The following TIAM1 variants were observed in gnomAD, a reference collection of about 807,000 sequenced individuals.
TIAM1 encodes TIAM Rac1 associated GEF 1, also known as rho guanine nucleotide exchange factor TIAM1.
TIAM1 carries 65 observed loss-of-function variants against 163.5 expected under a neutral mutation model. The ratio of observed to expected loss-of-function variants is 0.40; its 90% CI spans 0.33 to 0.49. The LOEUF is 0.49. Among genes scored for constraint, TIAM1 ranks in the 20% least tolerant of loss-of-function variants. TIAM1 has a pLI of 0.77. For synonymous variants in TIAM1, 833 were observed against 810.1 expected, an observed-to-expected ratio of 1.03 and a Z score of -0.48; for missense variants, 1,789 against 2,044.7, an observed-to-expected ratio of 0.87 and a Z score of 2.41.
intron 2 of TIAM1, among the ~76,000 whole-genome samples, chr21:31,417,483 A>C (rs2043411724): frequency 6.6e-6 from 1 of 152,192 alleles, no homozygotes; most frequent in Non-Finnish European, 1.5e-5. Flanking sequence ...CCTTATAAAA[A>C]CATCAGATCT....
chr21:31,308,330 G>C (rs1337988259), intron 2 of TIAM1, among the ~76,000 whole-genome samples: 1 of 151,956 alleles, frequency 6.6e-6, no homozygotes, highest in Non-Finnish European at 1.5e-5. Flanking sequence ...TCATTTCCTC[G>C]TTTGTATAAG....
chr21:31,555,644 C>G (rs1465795687), intron 1 of TIAM1, among the ~76,000 whole-genome samples: 11 of 152,148 alleles, frequency 7.2e-5, no homozygotes, highest in Non-Finnish European at 1.6e-4. Context: ...GCCCCCTCTC[C>G]CGGCACAGAT....
intron 2 of TIAM1, among the ~76,000 whole-genome samples, chr21:31,410,718 CAGAG>C (rs1035126952): frequency 1.1e-4 from 16 of 150,998 alleles, no homozygotes; most frequent in African/African-American, 3.2e-4. Context: ...GAGAGAGACA[CAGAG>C]AGAAAGAAAG....
chr21:31,482,132 C>A (rs1423408381), intron 1 of TIAM1, among the ~76,000 whole-genome samples: 1 of 139,938 alleles, frequency 7.1e-6, no homozygotes, highest in African/African-American at 2.8e-5. Flanking sequence ...TATTTATATA[C>A]ATTTTTTTTC....
chr21:31,403,454 T>C (rs894718674), intron 2 of TIAM1, among the ~76,000 whole-genome samples: 3 of 152,148 alleles, frequency 2.0e-5, no homozygotes, highest in Admixed American at 2.0e-4. Context: ...GCCGATGACA[T>C]ACTTTTTTAA....
chr21:31,355,025 T>G (rs2076292195), intron 2 of TIAM1, among the ~76,000 whole-genome samples: 1 of 152,188 alleles, frequency 6.6e-6, no homozygotes, highest in Non-Finnish European at 1.5e-5. Context: ...TTGTTCTTTT[T>G]CTGGCCACAG....
chr21:31,498,360 C>G (rs1448193674), intron 1 of TIAM1, among the ~76,000 whole-genome samples: 1 of 152,206 alleles, frequency 6.6e-6, no homozygotes, highest in Non-Finnish European at 1.5e-5. Flanking sequence ...TAAGAAGGTA[C>G]TACTGTCTGC....
chr21:31,487,852 C>T (rs950426933), intron 1 of TIAM1, among the ~76,000 whole-genome samples: 17 of 152,242 alleles, frequency 1.1e-4, no homozygotes, highest in East Asian at 3.9e-4. Flanking sequence ...CCACCGCGCC[C>T]GGCCTTTTTT....
At chr21:31,295,237 A>ATG (rs2074191543) in intron 2 of TIAM1, among the ~76,000 whole-genome samples, 1 of 152,084 alleles carries the variant, frequency 6.6e-6, no homozygotes, top group Admixed American at 6.5e-5. Flanking sequence ...TTGGGAGGCC[A>ATG]AGGCGGGCGG....
chr21:31,261,925 C>T (rs1014473851), intron 4 of TIAM1, among the ~76,000 whole-genome samples: 1 of 152,096 alleles, frequency 6.6e-6, no homozygotes, highest in East Asian at 1.9e-4. Flanking sequence ...ACAACCTGGC[C>T]GTGTTCCTTC....
In TIAM1 at chr21:31,557,653, C is replaced by A. The variant is rs144135876; in HGVS notation, c.-422+1274G>T. 2.5e-3 allele frequency among the ~76,000 whole-genome samples: 387 copies of A among 152,324 alleles called. 5 individuals are homozygous for A. Among genetic ancestry groups the A allele is most frequent in the African/African-American group, 8.6e-3 (356 of 41,580 alleles). Reference sequence around the variant, plus strand: ...TGCATGGGTAACCCGATCCGGACGGCTCTGACTCGGGATGCGGCACAGCTG... The same window carrying A: ...TGCATGGGTAACCCGATCCGGACGGATCTGACTCGGGATGCGGCACAGCTG... On this transcript the variant is annotated intron_variant, in intron 1 of 28. Transcript: ENST00000286827.
At chr21:31,523,964 T>C (rs994708513) in intron 1 of TIAM1, among the ~76,000 whole-genome samples, 65 of 147,584 alleles carry the variant, frequency 4.4e-4, no homozygotes, top group African/African-American at 1.6e-3. Context: ...TCTGCAGGCA[T>C]GATAATTCCC....
intron 6 of TIAM1, among the ~76,000 whole-genome samples, chr21:31,231,104 C>T (rs1214976212): frequency 6.6e-6 from 1 of 151,922 alleles, no homozygotes; most frequent in Non-Finnish European, 1.5e-5. Flanking sequence ...CCTGATTCGC[C>T]CCATTCTTGC....
At chr21:31,490,960 A>C (rs1358764271) in intron 1 of TIAM1, among the ~76,000 whole-genome samples, 2 of 152,176 alleles carry the variant, frequency 1.3e-5, no homozygotes, top group African/African-American at 4.8e-5. Flanking sequence ...CCCCGTCTCT[A>C]CTAAAAATAC....
intron 23 of TIAM1, among the ~76,000 whole-genome samples, chr21:31,131,156 T>C (rs139521165): frequency 6.4e-4 from 98 of 152,244 alleles, no homozygotes; most frequent in Non-Finnish European, 3.1e-4. Context: ...AAAATAAACA[T>C]AGAAAGCCTA....
At chr21:31,414,172 A>G (rs995600838) in intron 2 of TIAM1, among the ~76,000 whole-genome samples, 8 of 152,226 alleles carry the variant, frequency 5.3e-5, no homozygotes, top group African/African-American at 7.2e-5. Context: ...GCAAGCCTCG[A>G]AAATGGCCAG....
At chr21:31,195,886 T>C (rs116086871) in intron 12 of TIAM1, among the ~76,000 whole-genome samples, 3,248 of 152,080 alleles carry the variant, frequency 0.021, 125 homozygotes, top group African/African-American at 0.075. Context: ...TATGACTAAG[T>C]CCTCAAAAGC....
chr21:31,329,872 T>C (rs576961644), intron 2 of TIAM1, among the ~76,000 whole-genome samples: 2 of 152,300 alleles, frequency 1.3e-5, no homozygotes, highest in Admixed American at 1.3e-4. Context: ...TGTTGCTGTT[T>C]CATAATACCA....
At chr21:31,212,174 T>C (rs1360675822) in intron 10 of TIAM1, among the ~76,000 whole-genome samples, 2 of 152,072 alleles carry the variant, frequency 1.3e-5, no homozygotes, top group African/African-American at 4.8e-5. Context: ...TCATGAGTAG[T>C]TTGTGTATGA....
Sources: allele counts gnomAD v4.1 joint callset (sites outside exome capture counted in the v4.1 genomes callset), GRCh38; gene constraint gnomAD v4.1.1; transcripts MANE v1.5; gene names NCBI Gene and HGNC (gene_info 2026-07-23, HGNC 2026-07-21).